SLC1A1: variants seen among roughly 807,000 people sequenced by gnomAD.
The protein encoded by SLC1A1 is solute carrier family 1 member 1.
In SLC1A1, 43 loss-of-function variants were observed where a neutral mutation model predicts 53.3. The observed-to-expected ratio is 0.81, with a 90% CI of 0.63 to 1.04. The LOEUF (loss-of-function observed/expected upper bound fraction) is 1.04. SLC1A1 is among the 50% of genes least tolerant of loss of function. The pLI is 0.00. For missense variants in SLC1A1, 748 were observed against 664.9 expected, an observed-to-expected ratio of 1.12 and a Z score of -1.37; for synonymous variants, 307 against 243.2, an observed-to-expected ratio of 1.26 and a Z score of -2.44.
intron 10 of SLC1A1, 85 bp downstream of exon 10, chr9:4,576,848 G>T: frequency 1.6e-6 from 2 of 1,232,864 alleles, no homozygotes; most frequent in Non-Finnish European, 2.4e-6. Context: ...CACCAAGAAT[G>T]TCGCAGTGAT....
chr9:4,538,323 A>G (rs1220075460), intron 1 of SLC1A1, among the ~76,000 whole-genome samples: 3 of 152,234 alleles, frequency 2.0e-5, no homozygotes, highest in Non-Finnish European at 4.4e-5. Context: ...CTTCCAGGTG[A>G]CAGTTAGGTA....
intron 1 of SLC1A1, among the ~76,000 whole-genome samples, chr9:4,528,225 A>C (rs892114905): frequency 1.3e-5 from 2 of 151,776 alleles, no homozygotes; most frequent in African/African-American, 4.8e-5. Flanking sequence ...TTCTCACAAG[A>C]AGATACTTCC....
chr9:4,581,549 C>A (rs751471460), intron 10 of SLC1A1, among the ~76,000 whole-genome samples: 2 of 152,174 alleles, frequency 1.3e-5, no homozygotes, highest in Admixed American at 6.5e-5. Context: ...TACTGTGACA[C>A]GTCAGGGTTT....
At chr9:4,545,179 T>G (rs1817367129) in intron 2 of SLC1A1, among the ~76,000 whole-genome samples, 1 of 67,714 alleles carries the variant, frequency 1.5e-5, no homozygotes, top group Admixed American at 1.6e-4. Flanking sequence ...AAAATTGAAA[T>G]ACATTAGATG....
In SLC1A1 at chr9:4,544,106, G is replaced by T. The variant is rs1020068615; in HGVS notation, c.92-461G>T. ...TGGGAGGATCGACTGAGCCTGGAAG[G>T]TTGAGGCTGCAGTGAGCCGAGATGG... On this transcript the variant is annotated intron_variant, in intron 1 of 11. Transcript: ENST00000262352. Among the ~76,000 whole-genome samples the T allele has an allele frequency of 3.3e-5, 5 of 152,262 alleles. No individual in the cohort carries two copies. The East Asian group carries it at 9.7e-4, about 29-fold the overall frequency.
intron 10 of SLC1A1, among the ~76,000 whole-genome samples, chr9:4,579,286 AC>A (rs1820845583): frequency 1.3e-5 from 2 of 151,920 alleles, no homozygotes; most frequent in Admixed American, 1.3e-4. Flanking sequence ...CTCCACAACC[AC>A]CCCTGTGCTT....
intron 6 of SLC1A1, among the ~76,000 whole-genome samples, chr9:4,569,779 T>C (rs114580604): frequency 0.012 from 1,778 of 152,310 alleles, 35 homozygotes; most frequent in African/African-American, 0.04. Flanking sequence ...CTTTCCAGAT[T>C]CACCTCCTCC....
chr9:4,520,748 G>A (rs1232840675), intron 1 of SLC1A1, among the ~76,000 whole-genome samples: 1 of 152,176 alleles, frequency 6.6e-6, no homozygotes. Flanking sequence ...TTTTGTGTAA[G>A]GACATGTTTT....
At chr9:4,559,132 G>T (rs577882855) in intron 2 of SLC1A1, among the ~76,000 whole-genome samples, 1 of 152,150 alleles carries the variant, frequency 6.6e-6, no homozygotes, top group African/African-American at 2.4e-5. Context: ...TGACTTTTTT[G>T]TTGTTGCTGT....
At chr9:4,499,039 T>C (rs1328349739) in intron 1 of SLC1A1, among the ~76,000 whole-genome samples, 1 of 109,666 alleles carries the variant, frequency 9.1e-6, no homozygotes, top group Non-Finnish European at 1.7e-5. Flanking sequence ...ATTATATATG[T>C]ATATATATAT....
intron 3 of SLC1A1, among the ~76,000 whole-genome samples, chr9:4,562,995 C>T (rs1484388749): frequency 1.3e-5 from 2 of 150,436 alleles, no homozygotes; most frequent in African/African-American, 4.9e-5. Flanking sequence ...AGAGGGATAG[C>T]ATTGGGAGAT....
At chr9:4,577,822 T>C (rs187769994) in intron 10 of SLC1A1, among the ~76,000 whole-genome samples, 7 of 152,262 alleles carry the variant, frequency 4.6e-5, no homozygotes, top group Admixed American at 4.6e-4. Flanking sequence ...ATATATTGGA[T>C]GGGAGCAGGG....
chr9:4,505,051 T>C (rs977135584), intron 1 of SLC1A1, among the ~76,000 whole-genome samples: 4 of 139,590 alleles, frequency 2.9e-5, no homozygotes, highest in African/African-American at 1.2e-4. Flanking sequence ...ATTTCTTTTT[T>C]TTTTTTTTTT....
chr9:4,574,701 G>T (rs1352444704), intron 8 of SLC1A1, among the ~76,000 whole-genome samples: 1 of 152,062 alleles, frequency 6.6e-6, no homozygotes, highest in Non-Finnish European at 1.5e-5. Flanking sequence ...CTAGACAGGG[G>T]CAGAATATGT....
In SLC1A1 at chr9:4,573,894, G is replaced by A. The variant is rs780893170; in HGVS notation, c.768-13G>A. The A allele has an allele frequency of 6.4e-6, 10 of 1,561,704 alleles. No homozygotes were observed. Among genetic ancestry groups the A allele is most frequent in the Non-Finnish European group, 7.9e-6 (9 of 1,132,368 alleles). On this transcript the variant is annotated splice_polypyrimidine_tract_variant and intron_variant, in intron 7 of 11. Transcript: ENST00000262352. ...GATGACGGAATCACGCCTCTGTTGTGCTTCCTTTCCAGTTATATGCCACTA... is the reference window on the plus strand; with the variant it reads ...GATGACGGAATCACGCCTCTGTTGTACTTCCTTTCCAGTTATATGCCACTA...
chr9:4,538,568 T>C (rs1816759766), intron 1 of SLC1A1, among the ~76,000 whole-genome samples: 1 of 152,222 alleles, frequency 6.6e-6, no homozygotes, highest in African/African-American at 2.4e-5. Flanking sequence ...CAACCTTGGA[T>C]GTATTTGAGT....
intron 1 of SLC1A1, among the ~76,000 whole-genome samples, chr9:4,493,640 G>T (rs1333963707): frequency 2.0e-5 from 3 of 152,208 alleles, no homozygotes; most frequent in African/African-American, 7.2e-5. Flanking sequence ...CAGTGGCTCA[G>T]ACTTGTAATC....
chr9:4,558,410 C>T (rs754165833), intron 2 of SLC1A1, among the ~76,000 whole-genome samples: 6 of 151,962 alleles, frequency 3.9e-5, no homozygotes, highest in African/African-American at 9.7e-5. Flanking sequence ...CTGATATATC[C>T]GGGAAATTGG....
Position 4,544,756 on chromosome 9 carries a change from C to T in SLC1A1, c.232+49C>T, listed in dbSNP as rs755135318. ...TCTATATTAGTCCATTTTCATACTG[C>T]TGTAAAGAACTTCCTGAGACTAGGT... On this transcript the variant is annotated intron_variant, in intron 2 of 11. Transcript: ENST00000262352. 4 of 1,439,514 alleles carry T rather than the reference C, an allele frequency of 2.8e-6. No homozygotes were observed. The African/African-American group carries it at 4.2e-5, about 15-fold the overall frequency. 89.2% of individuals were successfully genotyped at this position (1,439,514 alleles called of 1,614,324 possible).
Sources: allele counts gnomAD v4.1 joint callset (sites outside exome capture counted in the v4.1 genomes callset), GRCh38; gene constraint gnomAD v4.1.1; transcripts MANE v1.5; gene names NCBI Gene and HGNC (gene_info 2026-07-23, HGNC 2026-07-21).